Variants in KCNG3 observed in about 807,000 individuals in gnomAD.
KCNG3 encodes voltage-gated potassium channel regulatory subunit KCNG3.
Under a neutral mutation model 29.0 loss-of-function variants are expected in KCNG3, and 15 were observed. The observed-to-expected ratio is 0.52, with a 90% CI of 0.35 to 0.80. The LOEUF is 0.80. Among genes scored for constraint, KCNG3 ranks in the 30% least tolerant of loss-of-function variants. KCNG3 has a pLI of 0.01. For missense variants in KCNG3, 512 were observed against 605.7 expected, an observed-to-expected ratio of 0.85 and a Z score of 1.62; for synonymous variants, 322 against 248.9, an observed-to-expected ratio of 1.29 and a Z score of -2.76.
the KCNG3 span, among the ~76,000 whole-genome samples, chr2:42,422,902 C>T: frequency 0.013 from 1,911 of 152,240 alleles, 36 homozygotes; most frequent in African/African-American, 0.043. Flanking sequence ...CTTCAACCCC[C>T]TTTCCTCCTC....
the KCNG3 span, among the ~76,000 whole-genome samples, chr2:42,403,903 G>A: frequency 6.6e-6 from 1 of 152,008 alleles, no homozygotes; most frequent in African/African-American, 2.4e-5. Context: ...GGCCCTAGCT[G>A]CATTTATGTT....
Position 42,442,270 on chromosome 2 carries a change from A to G in KCNG3, c.*1664T>C, listed in dbSNP as rs1303123890. On this transcript the variant is annotated 3_prime_UTR_variant, in exon 2 of 2. Coordinates refer to ENST00000306078, the MANE Select transcript of KCNG3 (RefSeq NM_133329.6). ...GCCAAACTATTACATAAGCTTAGGAAAGGAAATTAAGGGAAAGAAAACAGT... is the reference window on the plus strand; with the variant it reads ...GCCAAACTATTACATAAGCTTAGGAGAGGAAATTAAGGGAAAGAAAACAGT... 1 of 152,208 alleles carries G rather than the reference A, an allele frequency of 6.6e-6. No individual in the cohort carries two copies. Among genetic ancestry groups the G allele is most frequent in the Non-Finnish European group, 1.5e-5 (1 of 68,030 alleles). The allele number at this position is 152,208 out of a possible 1,614,324, so 9.4% of individuals were successfully genotyped here.
chr2:42,471,152 A>C (rs997537055), intron 1 of KCNG3, among the ~76,000 whole-genome samples: 5 of 97,552 alleles, frequency 5.1e-5, no homozygotes, highest in Admixed American at 4.9e-4. Flanking sequence ...ACTGTCTCAA[A>C]AAAGTGTGTG....
At chr2:42,436,352 A>AT in the KCNG3 span, among the ~76,000 whole-genome samples, 1 of 152,220 alleles carries the variant, frequency 6.6e-6, no homozygotes, top group Non-Finnish European at 1.5e-5. Context: ...AGAACTGTAC[A>AT]TTTTAAGATA....
At position 42,465,270 on chromosome 2, in the gene KCNG3, G is replaced by T. The variant is rs577802241; in HGVS notation, c.666-20691C>A. On this transcript the variant is annotated intron_variant, in intron 1 of 1. Coordinates refer to ENST00000306078, the MANE Select transcript of KCNG3 (RefSeq NM_133329.6). ...TTGGCTCTGTCGCTCAGCCTGGAGT[G>T]CAGTGGCACGATCATGGCTCACTGC... Among the ~76,000 whole-genome samples, 197 of 150,740 alleles carry T rather than the reference G, an allele frequency of 1.3e-3. 1 individual carries two copies. The highest frequency in any genetic ancestry group is 4.7e-3 in the African/African-American group (192 of 40,914).
chr2:42,417,717 A>G, the KCNG3 span, among the ~76,000 whole-genome samples: 1 of 152,162 alleles, frequency 6.6e-6, no homozygotes, highest in East Asian at 1.9e-4. Flanking sequence ...TCACACCTGT[A>G]ATCCTAGCAC....
chr2:42,407,177 C>CTT, the KCNG3 span, among the ~76,000 whole-genome samples: 205 of 133,122 alleles, frequency 1.5e-3, 2 homozygotes, highest in Admixed American at 2.7e-3. Context: ...TCTGCTTGAT[C>CTT]TTTTTTTTTT....
chr2:42,393,787 T>C, the KCNG3 span, among the ~76,000 whole-genome samples: 4 of 150,934 alleles, frequency 2.7e-5, no homozygotes, highest in African/African-American at 7.3e-5. Context: ...AACTTCCCCC[T>C]TTTTTTTTCT....
At chr2:42,429,538 T>C in the KCNG3 span, among the ~76,000 whole-genome samples, 5 of 152,208 alleles carry the variant, frequency 3.3e-5, no homozygotes, top group Non-Finnish European at 1.5e-5. Flanking sequence ...TACTTCTTTC[T>C]CATCATGTCG....
the KCNG3 span, among the ~76,000 whole-genome samples, chr2:42,396,607 C>T: frequency 6.1e-3 from 929 of 152,250 alleles, 7 homozygotes; most frequent in African/African-American, 0.021. Context: ...CCAGTGAGAG[C>T]TGGGGAGAAC....
chr2:42,446,177 T>C (rs1333019493), intron 1 of KCNG3, among the ~76,000 whole-genome samples: 1 of 151,610 alleles, frequency 6.6e-6, no homozygotes, highest in Non-Finnish European at 1.5e-5. Context: ...AATTAACATT[T>C]TTTATTTTTT....
At chr2:42,423,311 A>C in the KCNG3 span, among the ~76,000 whole-genome samples, 9 of 152,194 alleles carry the variant, frequency 5.9e-5, no homozygotes, top group African/African-American at 2.2e-4. Flanking sequence ...TCCACCCTTG[A>C]CACAGTTGAC....
chr2:42,432,245 C>T, the KCNG3 span, among the ~76,000 whole-genome samples: 5 of 152,102 alleles, frequency 3.3e-5, no homozygotes, highest in African/African-American at 1.2e-4. Context: ...AATTCAACAA[C>T]AACAACAAGA....
intron 1 of KCNG3, among the ~76,000 whole-genome samples, chr2:42,480,744 T>C (rs887980492): frequency 2.0e-5 from 3 of 146,966 alleles, no homozygotes; most frequent in Admixed American, 6.8e-5. Flanking sequence ...AGGCAGCATA[T>C]TGAAACCCCA....
chr2:42,452,770 G>GGTGTGTGT (rs57111452), intron 1 of KCNG3, among the ~76,000 whole-genome samples: 404 of 150,202 alleles, frequency 2.7e-3, no homozygotes, highest in East Asian at 4.7e-3. Flanking sequence ...CATTCAACTG[G>GGTGTGTGT]GTGTGTGTGT....
intron 1 of KCNG3, among the ~76,000 whole-genome samples, chr2:42,479,970 T>A (rs1394265168): frequency 1.3e-5 from 2 of 152,066 alleles, no homozygotes; most frequent in African/African-American, 4.8e-5. Context: ...TGAGATTGCA[T>A]GCACCATTGC....
At chr2:42,405,987 C>T in the KCNG3 span, among the ~76,000 whole-genome samples, 1 of 152,072 alleles carries the variant, frequency 6.6e-6, no homozygotes, top group Non-Finnish European at 1.5e-5. Context: ...AGGTGATCCA[C>T]CTGCCTCAGC....
the KCNG3 span, among the ~76,000 whole-genome samples, chr2:42,414,249 A>G: frequency 6.6e-6 from 1 of 152,256 alleles, no homozygotes; most frequent in African/African-American, 2.4e-5. Flanking sequence ...CCTTTCAGTG[A>G]AGGTCTGTTG....
chr2:42,487,420 C>T (rs1185665258), intron 1 of KCNG3, among the ~76,000 whole-genome samples: 2 of 146,062 alleles, frequency 1.4e-5, no homozygotes, highest in African/African-American at 5.0e-5. Context: ...GCTCAGCTCA[C>T]TGCAACCTTA....
Sources: allele counts gnomAD v4.1 joint callset (sites outside exome capture counted in the v4.1 genomes callset), GRCh38; gene constraint gnomAD v4.1.1; transcripts MANE v1.5; gene names NCBI Gene and HGNC (gene_info 2026-07-23, HGNC 2026-07-21).